MAP4: variants seen among roughly 807,000 people sequenced by gnomAD.
The protein encoded by MAP4 is microtubule-associated protein 4.
A neutral mutation model predicts 170.2 loss-of-function variants in MAP4; 76 were observed. That is an observed-to-expected ratio of 0.45 (90% CI 0.37 to 0.54). MAP4 has a LOEUF of 0.54. Among genes scored for constraint, MAP4 ranks in the 20% least tolerant of loss-of-function variants. The pLI is 0.00. For synonymous variants in MAP4, 909 were observed against 994.5 expected, an observed-to-expected ratio of 0.91 and a Z score of 1.62; for missense variants, 2,506 against 2,748.0, an observed-to-expected ratio of 0.91 and a Z score of 1.97.
Position 47,870,977 on chromosome 3 carries a change from AG to A in MAP4, c.6129del (p.Ser2044ProfsTer6). On this transcript the variant is annotated frameshift_variant, in exon 15 of 21. Transcript: ENST00000683076. LOFTEE classifies it high-confidence loss of function. Reference sequence around the variant, plus strand: ...TTCTTGTCTATGAAAGGAGTTGTGGAGGGCCGGGAGGGCATGGGTGTGGCCT... The same window carrying A: ...TTCTTGTCTATGAAAGGAGTTGTGGAGGCCGGGAGGGCATGGGTGTGGCCT... Reference protein sequence around the residue: ...RVKATPMPSRPSTTPFIDKKP... With the variant: ...RVKATPMPSRXSTTPFIDKKP... 6.2e-7 allele frequency: 1 copy of A among 1,613,216 alleles called. No homozygotes were observed. The highest frequency in any genetic ancestry group is 8.5e-7 in the Non-Finnish European group (1 of 1,179,226).
At chr3:47,994,256 C>T (rs919915596) in intron 2 of MAP4, among the ~76,000 whole-genome samples, 7 of 152,028 alleles carry the variant, frequency 4.6e-5, no homozygotes, top group Non-Finnish European at 1.0e-4. Context: ...TAATGGAAAA[C>T]GGGAAAATCT....
chr3:48,063,908 A>G (rs1463813816), intron 1 of MAP4, among the ~76,000 whole-genome samples: 2 of 152,306 alleles, frequency 1.3e-5, no homozygotes, highest in Non-Finnish European at 2.9e-5. Flanking sequence ...TTCCATATAC[A>G]TATTATTATG....
intron 3 of MAP4, among the ~76,000 whole-genome samples, chr3:47,941,501 G>A (rs2100056365): frequency 6.6e-6 from 1 of 151,948 alleles, no homozygotes; most frequent in African/African-American, 2.4e-5. Flanking sequence ...ACCATGGCTG[G>A]GCTCGGTGGC....
chr3:48,054,787 G>A (rs866976377), intron 1 of MAP4, among the ~76,000 whole-genome samples: 3 of 149,960 alleles, frequency 2.0e-5, no homozygotes, highest in Non-Finnish European at 4.4e-5. Context: ...CAGCCTGGGC[G>A]ACAAAGCAAG....
chr3:47,975,035 G>A, intron 3 of MAP4: 1 of 999,182 alleles, frequency 1.0e-6, no homozygotes, highest in Non-Finnish European at 1.2e-6. Flanking sequence ...GTTCTCATTT[G>A]GTGTTACACT....
chr3:48,023,217 A>G (rs2100111436), intron 1 of MAP4, among the ~76,000 whole-genome samples: 1 of 152,186 alleles, frequency 6.6e-6, no homozygotes, highest in African/African-American at 2.4e-5. Context: ...GAACTACACA[A>G]GAAAGTACTA....
chr3:47,916,950 G>C lies in MAP4; in HGVS notation c.877C>G (p.Gln293Glu). The stretch of plus-strand genomic sequence containing the variant: ...GCCATATCTGATTCCATGGATGGCT[G>C]CATGTCCTTGGCCAGTGTCACATCT... ...KLDVTLAKDM[Q>E]PSMESDMALV... The change falls in exon 7 of 21, where the codon CAG becomes GAG. Residue 293 changes from glutamine to glutamate, a missense_variant. This residue lies in a region of MAP4 where 2,008 missense variants were observed against 2,206.0 expected (regional missense o/e 0.91). Transcript: ENST00000683076. 1 of 1,614,152 alleles carries C rather than the reference G, an allele frequency of 6.2e-7. No homozygotes were observed. Among genetic ancestry groups the C allele is most frequent in the Non-Finnish European group, 8.5e-7 (1 of 1,180,014 alleles).
At chr3:47,869,463 CA>C (rs1258778459) in intron 15 of MAP4, 136 bp from the exon 16 acceptor site, 1 of 634,996 alleles carries the variant, frequency 1.6e-6, no homozygotes, top group African/African-American at 1.8e-5. Flanking sequence ...TGATCCTAGG[CA>C]AAACCATACA....
chr3:47,910,993 T>C lies in MAP4; in HGVS notation c.3428A>G (p.Lys1143Arg). 6.5e-7 allele frequency: 1 copy of C among 1,536,218 alleles called. No homozygotes were observed. The highest frequency in any genetic ancestry group is 2.4e-5 in the East Asian group (1 of 40,920). Reference protein sequence around the residue: ...LTEAVVMGEPKEMTQPKVAGT... With the variant: ...LTEAVVMGEPREMTQPKVAGT... Reference sequence around the variant, plus strand: ...TGCCACCTTAGGCTGAGTCATCTCTTTAGGCTCCCCCATCACCACTGCCTC... The same window carrying C: ...TGCCACCTTAGGCTGAGTCATCTCTCTAGGCTCCCCCATCACCACTGCCTC... Residue 1143 changes from lysine (K) to arginine (R), a missense_variant, in exon 9 of 21, where the codon AAA becomes AGA. Physicochemically the swap from Lys to Arg is conservative, Grantham distance 26. This residue lies in a region of MAP4 where 2,008 missense variants were observed against 2,206.0 expected (regional missense o/e 0.91). Transcript: ENST00000683076.
At chr3:47,947,379 G>T (rs972672078) in intron 3 of MAP4, among the ~76,000 whole-genome samples, 1 of 152,098 alleles carries the variant, frequency 6.6e-6, no homozygotes, top group African/African-American at 2.4e-5. Flanking sequence ...ATTCAGCCAG[G>T]TAGGGATTTT....
rs953278769 is a variant in MAP4 at position 47,911,548 on chromosome 3, C to T, written c.2873G>A (p.Gly958Asp). 5.9e-6 allele frequency: 9 copies of T among 1,535,938 alleles called. No homozygotes were observed. In the Admixed American group the frequency reaches 1.6e-4, roughly 27 times the overall value. ...CSPFLDQEVM[G>D]VVSKPTAAKE... ...TGCTGCTGTGGGTTTTGAAACTACA[C>T]CCATAACCTCTTGGTCCAAGAAAGG... Residue 958 changes from glycine (G) to aspartate (D), a missense_variant, in exon 9 of 21, where the codon GGT (glycine) becomes GAT (aspartate). Coordinates refer to ENST00000683076, the MANE Select transcript of MAP4 (RefSeq NM_001385682.1). This position sits in a 1 kb window ranked among gnomAD's most constrained non-coding sequence, Gnocchi z 4.0.
intron 1 of MAP4, among the ~76,000 whole-genome samples, chr3:48,045,859 A>G (rs140702993): frequency 2.0e-5 from 3 of 152,120 alleles, no homozygotes; most frequent in Non-Finnish European, 4.4e-5. Context: ...CATCTTTTCT[A>G]TGCCTTAGCC....
intron 4 of MAP4, among the ~76,000 whole-genome samples, chr3:47,922,725 A>C (rs2100043607): frequency 2.0e-5 from 3 of 152,142 alleles, no homozygotes; most frequent in African/African-American, 7.2e-5. Context: ...CACTCAAAAC[A>C]TCAGGTAAAC....
chr3:48,079,747 G>C (rs1283813734), intron 1 of MAP4, among the ~76,000 whole-genome samples: 3 of 152,014 alleles, frequency 2.0e-5, no homozygotes, highest in Non-Finnish European at 2.9e-5. Context: ...TCAGGAGATC[G>C]AGAGCATCCT....
chr3:47,903,061 G>T, intron 9 of MAP4, 61 bp from the exon 10 acceptor site: 1 of 724,458 alleles, frequency 1.4e-6, no homozygotes, highest in African/African-American at 1.9e-5. Flanking sequence ...GCAAAGGGAG[G>T]GCCTATTTAC....
At chr3:47,968,847 C>T (rs1010799388) in intron 3 of MAP4, among the ~76,000 whole-genome samples, 9 of 151,898 alleles carry the variant, frequency 5.9e-5, no homozygotes. Context: ...CTTTTAACTA[C>T]ATTTATGAAG....
At chr3:47,969,776 G>GTTA (rs2100077440) in intron 3 of MAP4, among the ~76,000 whole-genome samples, 1 of 151,186 alleles carries the variant, frequency 6.6e-6, no homozygotes, top group African/African-American at 2.4e-5. Context: ...GTACAAGAGT[G>GTTA]TTAGGCCCAG....
At chr3:47,897,950 G>GGGGGGGA (rs1491497294) in intron 10 of MAP4, among the ~76,000 whole-genome samples, 2 of 134,540 alleles carry the variant, frequency 1.5e-5, no homozygotes, top group African/African-American at 5.8e-5. Flanking sequence ...TCGGGGGGGG[G>GGGGGGGA]AAAAAAAAAA....
In MAP4 at chr3:48,043,858, T is replaced by A. The variant is rs886704188; in HGVS notation, c.-20+44915A>T. ...AATTGCTCTGTAATCTTTTTTTTTT[T>A]AAAATTGAGACGGAGTCTCGCTCTG... is the stretch of plus-strand genomic sequence containing the variant. On this transcript the variant is annotated intron_variant, in intron 1 of 18. Coordinates refer to the MAP4 transcript ENST00000360240. 1.3e-4 allele frequency among the ~76,000 whole-genome samples: 19 copies of A among 151,058 alleles called. 1 individual carries two copies. Among genetic ancestry groups the A allele is most frequent in the African/African-American group, 2.9e-4 (12 of 41,264 alleles).
Sources: allele counts gnomAD v4.1 joint callset (sites outside exome capture counted in the v4.1 genomes callset), GRCh38; gene constraint gnomAD v4.1.1; regional missense constraint gnomAD v4.1.1; non-coding constraint Gnocchi (gnomAD v3.1); transcripts MANE v1.5; gene names NCBI Gene and HGNC (gene_info 2026-07-23, HGNC 2026-07-21).